The following ILRUN variants were observed in gnomAD, a reference collection of about 807,000 sequenced individuals.
ILRUN encodes inflammation and lipid regulator with UBA-like and NBR1-like domains, also known as protein ILRUN.
A neutral mutation model predicts 33.8 loss-of-function variants in ILRUN; 3 were observed. The ratio of observed to expected loss-of-function variants is 0.09; its 90% CI spans 0.04 to 0.23. ILRUN has a LOEUF of 0.23. Ranked by LOEUF, ILRUN falls within the 10% of genes least tolerant of loss-of-function variation. The pLI is 1.00. For missense variants in ILRUN, 210 were observed against 375.1 expected, an observed-to-expected ratio of 0.56 and a Z score of 3.64; for synonymous variants, 124 against 138.9, an observed-to-expected ratio of 0.89 and a Z score of 0.75.
chr6:34,624,170 T>C (rs542568714), intron 3 of ILRUN, among the ~76,000 whole-genome samples: 12 of 151,996 alleles, frequency 7.9e-5, no homozygotes, highest in African/African-American at 2.7e-4. Flanking sequence ...ACCAGTATAA[T>C]TGGGACATAC....
chr6:34,675,029 C>T (rs1763198972), intron 1 of ILRUN, among the ~76,000 whole-genome samples: 1 of 152,148 alleles, frequency 6.6e-6, no homozygotes, highest in Admixed American at 6.5e-5. Flanking sequence ...GCAAGTAATC[C>T]CAGCACTTTC....
At chr6:34,614,048 C>T (rs913396126) in intron 3 of ILRUN, among the ~76,000 whole-genome samples, 2 of 152,140 alleles carry the variant, frequency 1.3e-5, no homozygotes, top group Admixed American at 1.3e-4. Flanking sequence ...GAAAGAACTT[C>T]CACTGGCCAA....
intron 1 of ILRUN, among the ~76,000 whole-genome samples, chr6:34,668,228 A>G (rs1038689951): frequency 3.3e-5 from 5 of 152,228 alleles, no homozygotes; most frequent in African/African-American, 1.2e-4. Context: ...AAAGCTACAT[A>G]TAACCTTACC....
At chr6:34,618,664 T>C (rs182867247) in intron 3 of ILRUN, among the ~76,000 whole-genome samples, 63 of 152,348 alleles carry the variant, frequency 4.1e-4, no homozygotes, top group African/African-American at 1.5e-3. Context: ...GGCTTGTTCC[T>C]GGTGATCTTT....
intron 2 of ILRUN, among the ~76,000 whole-genome samples, chr6:34,654,371 T>C (rs765861366): frequency 2.6e-5 from 4 of 152,148 alleles, no homozygotes; most frequent in South Asian, 2.1e-4. Flanking sequence ...AAAACCAATA[T>C]TGGATTGTGT....
At chr6:34,666,961 C>A (rs1024296154) in intron 1 of ILRUN, among the ~76,000 whole-genome samples, 1 of 152,136 alleles carries the variant, frequency 6.6e-6, no homozygotes, top group Admixed American at 6.5e-5. Context: ...AGCTTCTTTA[C>A]ATGACACTGC....
rs144017296 is a variant in ILRUN, at chr6:34,671,531, A to C, written c.159-16752T>G. Among the ~76,000 whole-genome samples the C allele has an allele frequency of 9.0e-3, 1,378 of 152,380 alleles. 10 individuals carry two copies. The highest frequency in any genetic ancestry group is 0.024 in the Middle Eastern group (7 of 294). On this transcript the variant is annotated intron_variant, in intron 1 of 4. Transcript: ENST00000374023. ...TCTGTATAATATATGTGGCAATAAC[A>C]GTTAGAACTTAATGGATCATTCAAC...
At chr6:34,635,421 G>C (rs537761653) in intron 3 of ILRUN, among the ~76,000 whole-genome samples, 7 of 152,102 alleles carry the variant, frequency 4.6e-5, no homozygotes, top group Middle Eastern at 6.8e-3. Flanking sequence ...CCAGCTACTT[G>C]AGAGGTTGAG....
chr6:34,696,387 C>T (rs1400375091), intron 1 of ILRUN, 59 bp downstream of exon 1: 8 of 1,501,422 alleles, frequency 5.3e-6, no homozygotes, highest in Admixed American at 2.1e-5. Flanking sequence ...AGTGTCCCTT[C>T]CCTTCCCCTC....
chr6:34,617,767 A>G (rs1473045630), intron 3 of ILRUN, among the ~76,000 whole-genome samples: 1 of 152,220 alleles, frequency 6.6e-6, no homozygotes, highest in Non-Finnish European at 1.5e-5. Flanking sequence ...CTTGTTCCTT[A>G]GTATTTAGCA....
At chr6:34,606,521 C>A in intron 4 of ILRUN, 34 bp downstream of exon 4, 1 of 1,568,224 alleles carries the variant, frequency 6.4e-7, no homozygotes, top group Non-Finnish European at 8.7e-7. Context: ...CCAAGGCCCA[C>A]CACCTACCCC....
At chr6:34,678,721 G>A (rs1385646966) in intron 1 of ILRUN, among the ~76,000 whole-genome samples, 1 of 151,090 alleles carries the variant, frequency 6.6e-6, no homozygotes, top group African/African-American at 2.4e-5. Context: ...CGGGTGTGGT[G>A]GCAGGCGCCT....
At chr6:34,617,105 G>T in intron 3 of ILRUN, 3 of 531,688 alleles carry the variant, frequency 5.6e-6, no homozygotes, top group South Asian at 4.2e-5. Flanking sequence ...TATACTGTTG[G>T]AAAATGCTTC....
In ILRUN at chr6:34,592,084, CT is replaced by C. The variant is rs1303280941; in HGVS notation, c.862-1485del. 2.6e-5 allele frequency among the ~76,000 whole-genome samples: 4 copies of C among 152,312 alleles called. No homozygotes were observed. The highest frequency in any genetic ancestry group is 2.0e-4 in the Admixed American group (3 of 15,298). On this transcript the variant is annotated intron_variant, in intron 4 of 4. Coordinates refer to ENST00000374023, the MANE Select transcript of ILRUN (RefSeq NM_024294.4). The surrounding 1 kb of genome is among the most constrained non-coding windows in gnomAD (Gnocchi z 4.0). The stretch of plus-strand genomic sequence containing the variant: ...ACGTGTGCTTCCTCCCCAATCCCTG[CT>C]TTTTGTTTTTCCATATAAAGCCTCC...
At chr6:34,639,473 C>A (rs1762427188) in intron 3 of ILRUN, among the ~76,000 whole-genome samples, 1 of 152,236 alleles carries the variant, frequency 6.6e-6, no homozygotes, top group African/African-American at 2.4e-5. Context: ...CATATTACTA[C>A]TGGCATCCAG....
At chr6:34,595,229 G>T in intron 4 of ILRUN, among the ~76,000 whole-genome samples, 1 of 152,200 alleles carries the variant, frequency 6.6e-6, no homozygotes, top group East Asian at 1.9e-4. Context: ...CAGTGATGTG[G>T]TTATCACTTA....
intron 4 of ILRUN, among the ~76,000 whole-genome samples, chr6:34,598,567 A>G (rs896324592): frequency 6.6e-6 from 1 of 152,202 alleles, no homozygotes; most frequent in African/African-American, 2.4e-5. Flanking sequence ...CATGCTGGCA[A>G]TCTTGGGAAC....
rs1208462338 is a variant in ILRUN, at chr6:34,606,662, G to C, written c.754C>G (p.Pro252Ala). The stretch of plus-strand genomic sequence containing the variant: ...TCTTGCTCAGTTTGGTCAGGAGCAG[G>C]AGCCCATGTGTCAGGAGCAGGAGCC... ...TWAPAPDTWAPAPDQTEQDQN... is the reference protein window; with the variant it reads ...TWAPAPDTWAAAPDQTEQDQN... The change falls in exon 4 of 5, where the codon CCT becomes GCT. Residue 252 changes from proline (P) to alanine (A), a missense_variant. Physicochemically the swap from Pro to Ala is conservative, Grantham distance 27. Around this residue, in one of 4 missense-constraint regions of ILRUN, gnomAD observed 81 missense variants for 97.0 expected, o/e 0.84. Transcript: ENST00000374023. 3 of 1,612,432 alleles carry C rather than the reference G, an allele frequency of 1.9e-6. No homozygotes were observed. Among genetic ancestry groups the C allele is most frequent in the Non-Finnish European group, 2.5e-6 (3 of 1,178,604 alleles).
intron 1 of ILRUN, among the ~76,000 whole-genome samples, chr6:34,688,730 T>C (rs1375982804): frequency 1.3e-5 from 2 of 151,876 alleles, no homozygotes; most frequent in Non-Finnish European, 2.9e-5. Flanking sequence ...GGAGAATCGC[T>C]TGAATCCAGG....
Sources: allele counts gnomAD v4.1 joint callset (sites outside exome capture counted in the v4.1 genomes callset), GRCh38; gene constraint gnomAD v4.1.1; regional missense constraint gnomAD v4.1.1; non-coding constraint Gnocchi (gnomAD v3.1); transcripts MANE v1.5; gene names NCBI Gene and HGNC (gene_info 2026-07-23, HGNC 2026-07-21).